SLC9A9: variants seen among roughly 807,000 people sequenced by gnomAD.
SLC9A9 encodes the protein sodium/hydrogen exchanger 9.
A neutral mutation model predicts 77.8 loss-of-function variants in SLC9A9; 62 were observed. The ratio of observed to expected loss-of-function variants is 0.80; its 90% CI spans 0.65 to 0.98. The LOEUF is 0.98. Among genes scored for constraint, SLC9A9 ranks in the 50% least tolerant of loss-of-function variants. The pLI, the probability that SLC9A9 is intolerant of heterozygous loss-of-function variation, is 0.00. For missense variants in SLC9A9, 775 were observed against 774.9 expected (o/e 1.00, Z 0.00); for synonymous variants, 320 against 283.5 (o/e 1.13, Z -1.29).
rs537036267 is a variant in SLC9A9, at chr3:143,694,659, T to G, written c.534-1352A>C. Among the ~76,000 whole-genome samples, 3 of 152,322 alleles carry G rather than the reference T, an allele frequency of 2.0e-5. No homozygotes were observed. In the South Asian group the frequency reaches 6.2e-4, roughly 32 times the overall value. On this transcript the variant is annotated intron_variant, in intron 4 of 15. Coordinates refer to ENST00000316549, the MANE Select transcript of SLC9A9 (RefSeq NM_173653.4). The stretch of plus-strand genomic sequence containing the variant: ...TAATTTGCTTAAGGTGACACAGCTA[T>G]TAAGTTGTGAAGCCCAGATGTGAAT...
At chr3:143,696,568 C>T (rs1010633611) in intron 4 of SLC9A9, among the ~76,000 whole-genome samples, 1 of 152,212 alleles carries the variant, frequency 6.6e-6, no homozygotes. Flanking sequence ...ATCCCTTCAG[C>T]CTCTTCTGGC....
chr3:143,382,906 G>C (rs2033339100), intron 12 of SLC9A9, among the ~76,000 whole-genome samples: 1 of 152,156 alleles, frequency 6.6e-6, no homozygotes, highest in African/African-American at 2.4e-5. Context: ...TAGCAAGACT[G>C]ATCAAAATTG....
chr3:143,673,108 G>T (rs566121429), intron 5 of SLC9A9, among the ~76,000 whole-genome samples: 1 of 152,284 alleles, frequency 6.6e-6, no homozygotes, highest in Admixed American at 6.5e-5. Context: ...ATAATGACTT[G>T]CAAGTACAGT....
chr3:143,382,843 T>C (rs1157257055), intron 12 of SLC9A9, among the ~76,000 whole-genome samples: 3 of 152,238 alleles, frequency 2.0e-5, no homozygotes, highest in East Asian at 1.9e-4. Flanking sequence ...CTACTCTCTT[T>C]ATATGATAAT....
At chr3:143,556,637 C>T (rs2036988008) in intron 8 of SLC9A9, among the ~76,000 whole-genome samples, 1 of 152,206 alleles carries the variant, frequency 6.6e-6, no homozygotes, top group Admixed American at 6.5e-5. Flanking sequence ...ACACTTGCTT[C>T]CTGTAAGTAT....
At chr3:143,477,355 C>G (rs1298133245) in intron 11 of SLC9A9, among the ~76,000 whole-genome samples, 2 of 103,532 alleles carry the variant, frequency 1.9e-5, no homozygotes, top group Non-Finnish European at 4.5e-5. Flanking sequence ...TTTCCCCCTC[C>G]CCCCGCCGCC....
Position 143,827,268 on chromosome 3 carries a change from T to C in SLC9A9, c.378+4751A>G, listed in dbSNP as rs111436668. Among the ~76,000 whole-genome samples, 1,243 of 152,244 alleles carry C rather than the reference T, an allele frequency of 8.2e-3. 14 individuals are homozygous for C. The highest frequency in any genetic ancestry group is 0.029 in the African/African-American group (1,187 of 41,520). ...CAGGTATCTTGTATACACAGAACAA[T>C]TTGACAAATGGTGGTGGAAACATTG... On this transcript the variant is annotated intron_variant, in intron 2 of 15. Transcript: ENST00000316549.
At chr3:143,434,612 G>T (rs368133838) in intron 12 of SLC9A9, among the ~76,000 whole-genome samples, 1 of 152,018 alleles carries the variant, frequency 6.6e-6, no homozygotes, top group Admixed American at 6.6e-5. Flanking sequence ...TCCAGAATAC[G>T]CCTATGCTGC....
intron 14 of SLC9A9, among the ~76,000 whole-genome samples, chr3:143,288,750 T>C (rs1938450511): frequency 6.6e-6 from 1 of 152,192 alleles, no homozygotes; most frequent in Non-Finnish European, 1.5e-5. Flanking sequence ...GTCACTTTAA[T>C]TTCTCAGACC....
intron 14 of SLC9A9, among the ~76,000 whole-genome samples, chr3:143,324,963 A>T (rs902250347): frequency 6.6e-6 from 1 of 152,168 alleles, no homozygotes; most frequent in African/African-American, 2.4e-5. Flanking sequence ...AGTTCCCTGA[A>T]CAAACATTTT....
intron 9 of SLC9A9, 75 bp downstream of exon 9, chr3:143,552,287 C>T (rs1014600253): frequency 6.1e-5 from 64 of 1,056,932 alleles, no homozygotes; most frequent in Non-Finnish European, 8.9e-5. Flanking sequence ...CTCTTTCTGA[C>T]TATACTGCCA....
intron 14 of SLC9A9, among the ~76,000 whole-genome samples, chr3:143,290,379 T>C (rs2029901099): frequency 6.6e-6 from 1 of 152,182 alleles, no homozygotes; most frequent in Non-Finnish European, 1.5e-5. Context: ...GCTTCCATAG[T>C]TTATGTTCAA....
At chr3:143,832,251 G>T (rs1398423824) in intron 1 of SLC9A9, 30 bp from the exon 2 acceptor site, 10 of 1,574,244 alleles carry the variant, frequency 6.4e-6, no homozygotes, top group Non-Finnish European at 6.9e-6. Context: ...TAATGGTACT[G>T]GAGGAAGGCA....
chr3:143,640,258 T>G (rs1035849259), intron 6 of SLC9A9, among the ~76,000 whole-genome samples: 2 of 152,098 alleles, frequency 1.3e-5, no homozygotes, highest in Non-Finnish European at 2.9e-5. Context: ...CCTGACCTTG[T>G]GATCCACCCG....
At chr3:143,804,016 G>A (rs2008641747) in intron 2 of SLC9A9, among the ~76,000 whole-genome samples, 1 of 151,970 alleles carries the variant, frequency 6.6e-6, no homozygotes, top group Admixed American at 6.6e-5. Flanking sequence ...CCCCTTATGT[G>A]GACCCCTCAC....
chr3:143,477,957 C>T (rs1394500743), intron 11 of SLC9A9, among the ~76,000 whole-genome samples: 1 of 152,240 alleles, frequency 6.6e-6, no homozygotes, highest in Non-Finnish European at 1.5e-5. Flanking sequence ...TGTTCAGCCT[C>T]TTGCCCACTC....
intron 12 of SLC9A9, among the ~76,000 whole-genome samples, chr3:143,419,875 A>T (rs997279736): frequency 1.3e-5 from 2 of 152,188 alleles, no homozygotes; most frequent in African/African-American, 4.8e-5. Flanking sequence ...ATGCCAACTC[A>T]TCTGATTGTG....
chr3:143,754,341 C>T (rs2006850769), intron 4 of SLC9A9, among the ~76,000 whole-genome samples: 1 of 152,190 alleles, frequency 6.6e-6, no homozygotes, highest in Admixed American at 6.5e-5. Context: ...TCCCTCTGAA[C>T]AGGAGTCAGG....
At chr3:143,555,257 T>C (rs967876887) in intron 8 of SLC9A9, among the ~76,000 whole-genome samples, 3 of 152,222 alleles carry the variant, frequency 2.0e-5, no homozygotes, top group African/African-American at 7.2e-5. Flanking sequence ...GCCTTTCACC[T>C]TCCACCATGA....
Sources: gnomAD v4.1 joint callset for allele counts (sites outside exome capture counted in the v4.1 genomes callset) on GRCh38, gnomAD v4.1.1 for gene constraint, MANE v1.5 for transcripts, NCBI Gene and HGNC (gene_info 2026-07-23, HGNC 2026-07-21) for gene names.